The following EXOC6B variants were observed in gnomAD, a reference collection of about 807,000 sequenced individuals.
The protein encoded by EXOC6B is exocyst complex component 6B.
EXOC6B carries 54 observed loss-of-function variants against 113.5 expected under a neutral mutation model. That is an observed-to-expected ratio of 0.48 (90% CI 0.38 to 0.60). The LOEUF (loss-of-function observed/expected upper bound fraction) is 0.60, where lower values mean the gene tolerates loss of function less well. EXOC6B is among the 20% of genes least tolerant of loss of function. The probability of loss-of-function intolerance (pLI) is 0.00; values close to 1 mark genes in which losing one functional copy is unlikely to be tolerated. For missense variants in EXOC6B, 797 were observed against 977.5 expected (o/e 0.82, Z 2.46); for synonymous variants, 357 against 339.0 (o/e 1.05, Z -0.58).
intron 6 of EXOC6B, among the ~76,000 whole-genome samples, chr2:72,641,765 G>A (rs1180128816): frequency 6.6e-6 from 1 of 152,240 alleles, no homozygotes; most frequent in Non-Finnish European, 1.5e-5. Context: ...CTCCTCAAGT[G>A]GGTCCCTGAC....
intron 6 of EXOC6B, among the ~76,000 whole-genome samples, chr2:72,659,010 C>T (rs929087969): frequency 6.6e-6 from 1 of 152,056 alleles, no homozygotes; most frequent in Non-Finnish European, 1.5e-5. Flanking sequence ...ACCTCCTATC[C>T]ACCATCATTT....
intron 3 of EXOC6B, 150 bp from the exon 4 acceptor site, chr2:72,731,395 T>C: frequency 1.6e-6 from 1 of 635,932 alleles, no homozygotes; most frequent in South Asian, 2.0e-5. Context: ...CTGCCTTTCC[T>C]AACCAGTAAA....
chr2:72,379,785 C>T lies in EXOC6B; in HGVS notation c.2066G>A (p.Arg689Gln), dbSNP rs761229954. ...CTGTAATGCTCCCAAGGTGAGCTGC[C>T]GCACTTCAGCTTCCAACAAAAGTTG... Reference protein sequence around the residue: ...LMQLLLEAEVRQLTLGALQQF... With the variant: ...LMQLLLEAEVQQLTLGALQQF... Residue 689 changes from arginine to glutamine, a missense_variant, in exon 19 of 22, where the codon CGG becomes CAG. By Grantham distance (43) the Arg-to-Gln change is conservative (BLOSUM62 1). Transcript: ENST00000272427. The T allele has an allele frequency of 7.4e-6, 12 of 1,613,208 alleles. No homozygotes were observed. The Admixed American group carries it at 1.0e-4, about 13-fold the overall frequency.
At chr2:72,410,106 G>A (rs1438129886) in intron 18 of EXOC6B, among the ~76,000 whole-genome samples, 1 of 152,150 alleles carries the variant, frequency 6.6e-6, no homozygotes, top group Non-Finnish European at 1.5e-5. Context: ...CTTCCCCAGA[G>A]TTCTGACAAA....
intron 20 of EXOC6B, among the ~76,000 whole-genome samples, chr2:72,196,121 CA>C (rs1454171737): frequency 6.6e-6 from 1 of 152,104 alleles, no homozygotes; most frequent in Non-Finnish European, 1.5e-5. Flanking sequence ...GAATTTCAAT[CA>C]AAAAACTTTG....
rs533078932 is a variant in EXOC6B, at chr2:72,661,239, G to A, written c.669+56864C>T. Reference sequence around the variant, plus strand: ...AAGTAACAAAAGACCCACCTTTCTAGCCAGAGGACAAAAAAGAAAAGCAGC... The same window carrying A: ...AAGTAACAAAAGACCCACCTTTCTAACCAGAGGACAAAAAAGAAAAGCAGC... On this transcript the variant is annotated intron_variant, in intron 6 of 21. Transcript: ENST00000272427. 2.0e-5 allele frequency among the ~76,000 whole-genome samples: 3 copies of A among 151,732 alleles called. No homozygotes were observed. In the South Asian group the frequency reaches 6.2e-4, roughly 32 times the overall value.
At chr2:72,419,689 C>CT (rs1166726019) in intron 18 of EXOC6B, among the ~76,000 whole-genome samples, 1 of 152,144 alleles carries the variant, frequency 6.6e-6, no homozygotes, top group Non-Finnish European at 1.5e-5. Context: ...TCAAGGATTC[C>CT]TTGTATGTGA....
At chr2:72,584,059 A>G (rs1705396788) in intron 6 of EXOC6B, among the ~76,000 whole-genome samples, 1 of 152,066 alleles carries the variant, frequency 6.6e-6, no homozygotes, top group Admixed American at 6.6e-5. Context: ...CAAAAGAACA[A>G]TACCTGCTAC....
At chr2:72,601,124 ATGTGTGTGTGTGTGTGTGTGTG>A (rs61668760) in intron 6 of EXOC6B, among the ~76,000 whole-genome samples, 37 of 138,680 alleles carry the variant, frequency 2.7e-4, no homozygotes, top group East Asian at 1.5e-3. Context: ...GTGTGTGTGT[ATGTGTGTGTGTGTGTGTGTGTG>A]TGTGTGTGTG....
intron 11 of EXOC6B, among the ~76,000 whole-genome samples, chr2:72,511,545 T>C (rs1700895836): frequency 6.6e-6 from 1 of 152,262 alleles, no homozygotes; most frequent in South Asian, 2.1e-4. Flanking sequence ...CTAGTAATTG[T>C]TTTTGAATTC....
At chr2:72,593,875 A>G (rs1332357641) in intron 6 of EXOC6B, among the ~76,000 whole-genome samples, 11 of 152,226 alleles carry the variant, frequency 7.2e-5, no homozygotes. Flanking sequence ...ATAGCCTTGT[A>G]TATATTAAAG....
At chr2:72,774,665 T>C (rs1318702013) in intron 1 of EXOC6B, among the ~76,000 whole-genome samples, 2 of 152,168 alleles carry the variant, frequency 1.3e-5, no homozygotes, top group Non-Finnish European at 2.9e-5. Context: ...AATGGTTCTT[T>C]CTCCTCCTGA....
rs1172172446 is a variant in EXOC6B, at chr2:72,379,804, A to G, written c.2047T>C (p.Leu683=). ...AGCTGCCGCACTTCAGCTTCCAACA[A>G]AAGTTGCATCAAGGATGTGGCTAAA... is the stretch of plus-strand genomic sequence containing the variant. ...KHLATSLMQL[L]LEAEVRQLTL... The change falls in exon 19 of 22, where the codon TTG becomes CTG. Residue 683 remains leucine (L), a synonymous_variant. Transcript: ENST00000272427. 1.4e-5 allele frequency: 22 copies of G among 1,613,238 alleles called. No homozygotes were observed. Among genetic ancestry groups the G allele is most frequent in the Non-Finnish European group, 1.6e-5 (19 of 1,179,610 alleles).
chr2:72,685,945 A>C (rs915253317), intron 6 of EXOC6B, among the ~76,000 whole-genome samples: 2 of 152,114 alleles, frequency 1.3e-5, no homozygotes, highest in African/African-American at 4.8e-5. Context: ...CATTTTTTTG[A>C]AGGGGTTTAT....
chr2:72,469,300 T>C (rs1191012979), intron 17 of EXOC6B, among the ~76,000 whole-genome samples: 1 of 152,148 alleles, frequency 6.6e-6, no homozygotes, highest in Non-Finnish European at 1.5e-5. Flanking sequence ...TTCATTGATT[T>C]CTGCTCTAAT....
chr2:72,448,963 G>C (rs1037714689), intron 18 of EXOC6B, among the ~76,000 whole-genome samples: 3 of 152,114 alleles, frequency 2.0e-5, no homozygotes, highest in Non-Finnish European at 4.4e-5. Context: ...AGTTTAAAAA[G>C]AGTCGTATGA....
intron 20 of EXOC6B, among the ~76,000 whole-genome samples, chr2:72,253,874 T>C (rs370089843): frequency 6.6e-6 from 1 of 152,120 alleles, no homozygotes; most frequent in South Asian, 2.1e-4. Flanking sequence ...AAAAAAGATA[T>C]GTTCGGCTGG....
intron 19 of EXOC6B, among the ~76,000 whole-genome samples, chr2:72,338,930 C>CACATACACATAA (rs1213457112): frequency 1.3e-5 from 2 of 151,100 alleles, no homozygotes; most frequent in Admixed American, 6.6e-5. Flanking sequence ...CATACACATA[C>CACATACACATAA]ACATACACAT....
intron 18 of EXOC6B, among the ~76,000 whole-genome samples, chr2:72,422,089 C>G (rs2105265037): frequency 6.6e-6 from 1 of 152,344 alleles, no homozygotes; most frequent in African/African-American, 2.4e-5. Flanking sequence ...GACCTGCAGC[C>G]CGCCATGCCT....
Sources: gnomAD v4.1 joint callset for allele counts (sites outside exome capture counted in the v4.1 genomes callset) on GRCh38, gnomAD v4.1.1 for gene constraint, MANE v1.5 for transcripts, NCBI Gene and HGNC (gene_info 2026-07-23, HGNC 2026-07-21) for gene names.